Variants in MTUS2 observed in about 807,000 individuals in gnomAD.
The protein encoded by MTUS2 is microtubule-associated tumor suppressor candidate 2.
Under a neutral mutation model 114.1 loss-of-function variants are expected in MTUS2, and 40 were observed. The ratio of observed to expected loss-of-function variants is 0.35; its 90% confidence interval spans 0.27 to 0.46. The LOEUF (loss-of-function observed/expected upper bound fraction) is 0.46, where lower values mean the gene tolerates loss of function less well. MTUS2 is among the 20% of genes least tolerant of loss of function. MTUS2 has a pLI of 1.00. For synonymous variants in MTUS2, 688 were observed against 672.0 expected, an observed-to-expected ratio of 1.02 and a Z score of -0.37; for missense variants, 1,679 against 1,705.4, an observed-to-expected ratio of 0.98 and a Z score of 0.27.
At chr13:29,335,613 C>G (rs1043246505) in intron 7 of MTUS2, among the ~76,000 whole-genome samples, 2 of 152,134 alleles carry the variant, frequency 1.3e-5, no homozygotes, top group African/African-American at 4.8e-5. Flanking sequence ...CTCCCCCAGA[C>G]ACCCAGCTTT....
At chr13:29,282,479 A>G (rs1368052826) in intron 6 of MTUS2, among the ~76,000 whole-genome samples, 1 of 152,252 alleles carries the variant, frequency 6.6e-6, no homozygotes, top group African/African-American at 2.4e-5. Flanking sequence ...TGTAACTAGC[A>G]CAGGTGCTTG....
chr13:28,999,688 G>A (rs559443831), intron 2 of MTUS2, among the ~76,000 whole-genome samples: 1 of 152,178 alleles, frequency 6.6e-6, no homozygotes, highest in South Asian at 2.1e-4. Context: ...GTTAACTGTA[G>A]TCACCCTACT....
intron 5 of MTUS2, among the ~76,000 whole-genome samples, chr13:29,183,791 A>AC (rs1458796496): frequency 6.6e-6 from 1 of 152,200 alleles, no homozygotes; most frequent in Non-Finnish European, 1.5e-5. Context: ...AGGTTGATAG[A>AC]TTGACCTTAA....
intron 6 of MTUS2, among the ~76,000 whole-genome samples, chr13:29,288,961 C>G (rs1258575243): frequency 1.3e-5 from 2 of 152,142 alleles, no homozygotes; most frequent in Admixed American, 1.3e-4. Context: ...ACTACTTTTT[C>G]TGGATTGACT....
At chr13:29,013,479 C>A (rs1885936437) in intron 2 of MTUS2, among the ~76,000 whole-genome samples, 1 of 152,154 alleles carries the variant, frequency 6.6e-6, no homozygotes, top group African/African-American at 2.4e-5. Flanking sequence ...TAATTAAAGT[C>A]CATAGATCAA....
chr13:29,094,873 G>A (rs997791612), intron 4 of MTUS2, among the ~76,000 whole-genome samples: 3 of 151,756 alleles, frequency 2.0e-5, no homozygotes, highest in Non-Finnish European at 4.4e-5. Context: ...GCTTTGGTAT[G>A]TCATTCATTT....
At chr13:28,858,552 G>A (rs1028941400) in intron 2 of MTUS2, among the ~76,000 whole-genome samples, 2 of 152,160 alleles carry the variant, frequency 1.3e-5, no homozygotes, top group African/African-American at 2.4e-5. Flanking sequence ...AAGGTTTGCT[G>A]CATTGGAAGT....
At chr13:29,212,152 G>A (rs1185717381) in intron 5 of MTUS2, among the ~76,000 whole-genome samples, 2 of 151,894 alleles carry the variant, frequency 1.3e-5, no homozygotes, top group Admixed American at 6.6e-5. Context: ...CATCTTCATT[G>A]AGTTCAAAAT....
At chr13:28,832,561 C>G (rs1406668907) in intron 1 of MTUS2, among the ~76,000 whole-genome samples, 1 of 150,176 alleles carries the variant, frequency 6.7e-6, no homozygotes, top group African/African-American at 2.4e-5. Context: ...GATCTCAGAC[C>G]AACAACCTAA....
At chr13:29,211,707 G>T (rs56299322) in intron 5 of MTUS2, among the ~76,000 whole-genome samples, 1 of 124,056 alleles carries the variant, frequency 8.1e-6, no homozygotes, top group African/African-American at 2.7e-5. Context: ...TCCTTCTCCC[G>T]TGATCTGGTT....
chr13:28,890,624 A>G (rs1361451828), intron 2 of MTUS2, among the ~76,000 whole-genome samples: 3 of 152,260 alleles, frequency 2.0e-5, no homozygotes, highest in African/African-American at 7.2e-5. Flanking sequence ...ATTTTTATAT[A>G]TAGAAATATG....
chr13:29,337,793 GT>G (rs567260002), intron 7 of MTUS2, among the ~76,000 whole-genome samples: 70 of 132,596 alleles, frequency 5.3e-4, no homozygotes, highest in South Asian at 7.2e-4. Flanking sequence ...GTTTGTTTTG[GT>G]TTTTTTTTTT....
intron 5 of MTUS2, among the ~76,000 whole-genome samples, chr13:29,155,768 G>C (rs1169514269): frequency 1.3e-5 from 2 of 152,036 alleles, no homozygotes; most frequent in East Asian, 3.9e-4. Context: ...CAGTCATAGA[G>C]ATATGTATAT....
chr13:28,939,065 T>A lies in MTUS2; in HGVS notation c.-242-85392T>A, dbSNP rs560698562. ...CTTCAGCGCTGTAACCACTTTCTCT[T>A]CTTTGTTGAGCAAGTCTATTTTTGT... is the stretch of plus-strand genomic sequence containing the variant. On this transcript the variant is annotated intron_variant, in intron 2 of 15. Coordinates refer to ENST00000612955, the MANE Select transcript of MTUS2 (RefSeq NM_001033602.4). Among the ~76,000 whole-genome samples the A allele has an allele frequency of 6.6e-5, 10 of 152,346 alleles. No individual in the cohort carries two copies. The South Asian group carries it at 2.1e-3, about 32-fold the overall frequency.
chr13:29,125,622 T>C (rs113075669), intron 5 of MTUS2, among the ~76,000 whole-genome samples: 2,971 of 152,192 alleles, frequency 0.02, 106 homozygotes, highest in African/African-American at 0.068. Flanking sequence ...CACCTTAGGT[T>C]TTTCAAGAGC....
chr13:29,016,962 A>G (rs1459881835), intron 2 of MTUS2, among the ~76,000 whole-genome samples: 2 of 152,214 alleles, frequency 1.3e-5, no homozygotes, highest in African/African-American at 4.8e-5. Context: ...GTTAGATTAT[A>G]ATTGTGCCTG....
At chr13:29,452,056 G>A (rs924207031) in intron 9 of MTUS2, among the ~76,000 whole-genome samples, 4 of 152,152 alleles carry the variant, frequency 2.6e-5, no homozygotes, top group South Asian at 2.1e-4. Flanking sequence ...GTCAACTGCC[G>A]TGATTAGATT....
chr13:28,946,253 G>C (rs1217470136), intron 2 of MTUS2, among the ~76,000 whole-genome samples: 1 of 146,998 alleles, frequency 6.8e-6, no homozygotes, highest in Middle Eastern at 3.2e-3. Context: ...ACTTTTCCTG[G>C]TATCTCTCTT....
At chr13:28,862,050 C>T (rs978825820) in intron 2 of MTUS2, among the ~76,000 whole-genome samples, 1 of 152,162 alleles carries the variant, frequency 6.6e-6, no homozygotes, top group African/African-American at 2.4e-5. Flanking sequence ...AACTTGGAAG[C>T]TGACCCTAAC....
Sources: gnomAD v4.1 joint callset for allele counts (sites outside exome capture counted in the v4.1 genomes callset) on GRCh38, gnomAD v4.1.1 for gene constraint, MANE v1.5 for transcripts, NCBI Gene and HGNC (gene_info 2026-07-23, HGNC 2026-07-21) for gene names.